MEIS2: variants seen among roughly 807,000 people sequenced by gnomAD.
MEIS2 encodes homeobox protein Meis2.
MEIS2 carries 9 observed loss-of-function variants against 58.6 expected under a neutral mutation model. The observed-to-expected ratio is 0.15, with a 90% CI of 0.09 to 0.27. The LOEUF (loss-of-function observed/expected upper bound fraction) is 0.27. Among genes scored for constraint, MEIS2 ranks in the 10% least tolerant of loss-of-function variants. The pLI, the probability that MEIS2 is intolerant of heterozygous loss-of-function variation, is 1.00. For missense variants in MEIS2, 427 were observed against 635.0 expected, an observed-to-expected ratio of 0.67 and a Z score of 3.52; for synonymous variants, 221 against 228.4, an observed-to-expected ratio of 0.97 and a Z score of 0.29.
chr15:37,093,972 G>A (rs1368743521), intron 5 of MEIS2: 10 of 480,286 alleles, frequency 2.1e-5, no homozygotes, highest in Non-Finnish European at 3.7e-5. Flanking sequence ...ACAATAGAGA[G>A]AGAAAGAAAC....
In MEIS2 at chr15:36,910,121, G is replaced by A. The variant is rs907511799; in HGVS notation, c.978-13435C>T. On this transcript the variant is annotated intron_variant, in intron 9 of 11. Transcript: ENST00000561208. ...CTCAGGAGGCTGATGTGGGAGGATC[G>A]CCTGAGACCAGGAGGTGGAGGCTGC... Among the ~76,000 whole-genome samples, 4 of 152,016 alleles carry A rather than the reference G, an allele frequency of 2.6e-5. No individual in the cohort carries two copies. The East Asian group carries it at 7.7e-4, about 29-fold the overall frequency.
intron 8 of MEIS2, among the ~76,000 whole-genome samples, chr15:36,950,906 C>T (rs1033080729): frequency 2.0e-5 from 3 of 152,024 alleles, no homozygotes; most frequent in Admixed American, 6.6e-5. Flanking sequence ...TTCTTGTAAG[C>T]CATGGCAACT....
At chr15:37,010,440 T>A (rs1411440507) in intron 8 of MEIS2, among the ~76,000 whole-genome samples, 2 of 152,080 alleles carry the variant, frequency 1.3e-5, no homozygotes, top group African/African-American at 4.8e-5. Context: ...TGGAGTGCAG[T>A]GACATGATCT....
intron 1 of MEIS2, 109 bp downstream of exon 1, chr15:37,099,346 C>T: frequency 1.3e-6 from 2 of 1,565,620 alleles, no homozygotes; most frequent in Non-Finnish European, 1.7e-6. Context: ...TGGCCGCCAT[C>T]ATCAAGCAGC....
At chr15:37,046,837 ATAT>A (rs1354391313) in intron 7 of MEIS2, among the ~76,000 whole-genome samples, 1 of 978 alleles carries the variant, frequency 1.0e-3, no homozygotes, top group African/African-American at 1.3e-3. Flanking sequence ...CGTTTAAAAA[ATAT>A]ATATATATAT....
intron 8 of MEIS2, among the ~76,000 whole-genome samples, chr15:36,988,139 A>G (rs1196493843): frequency 6.6e-6 from 1 of 152,240 alleles, no homozygotes; most frequent in Non-Finnish European, 1.5e-5. Flanking sequence ...AAAACAAAGC[A>G]AAAATAAGAA....
At chr15:37,043,782 G>C (rs2141769898) in intron 7 of MEIS2, among the ~76,000 whole-genome samples, 1 of 149,904 alleles carries the variant, frequency 6.7e-6, no homozygotes, top group Middle Eastern at 3.5e-3. Context: ...CCACCTCCCT[G>C]GTTCAAGCGA....
intron 7 of MEIS2, among the ~76,000 whole-genome samples, chr15:37,044,484 T>C (rs12900251): frequency 0.2 from 30,721 of 152,174 alleles, 3,559 homozygotes; most frequent in East Asian, 0.28. Flanking sequence ...AAATTAAATA[T>C]GATTTTGAAG....
chr15:37,046,036 C>T (rs1046094498), intron 7 of MEIS2, among the ~76,000 whole-genome samples: 4 of 152,186 alleles, frequency 2.6e-5, no homozygotes, highest in Admixed American at 1.3e-4. Flanking sequence ...ACTTTTCAGG[C>T]GGTATAAGCA....
intron 8 of MEIS2, among the ~76,000 whole-genome samples, chr15:37,002,355 C>T (rs2060761812): frequency 6.7e-6 from 1 of 148,286 alleles, no homozygotes; most frequent in Admixed American, 6.9e-5. Context: ...TGGAAGTAAT[C>T]TTTCCTTCCT....
intron 9 of MEIS2, among the ~76,000 whole-genome samples, chr15:36,935,236 A>C (rs1567073776): frequency 6.7e-6 from 1 of 149,332 alleles, no homozygotes; most frequent in Non-Finnish European, 1.5e-5. Flanking sequence ...TCATTAAATA[A>C]TCTAGGTATG....
chr15:37,054,348 TACAC>T (rs68006327), intron 7 of MEIS2, among the ~76,000 whole-genome samples: 28,110 of 152,118 alleles, frequency 0.18, 3,203 homozygotes, highest in Admixed American at 0.33. Context: ...CCAGTGATTT[TACAC>T]ACAGAAAACT....
intron 9 of MEIS2, among the ~76,000 whole-genome samples, chr15:36,950,028 T>A (rs2058700971): frequency 6.6e-6 from 1 of 151,626 alleles, no homozygotes; most frequent in Non-Finnish European, 1.5e-5. Flanking sequence ...GTGGCTCAAT[T>A]CGAGAATTTT....
chr15:37,006,904 G>A (rs1159909795), intron 8 of MEIS2, among the ~76,000 whole-genome samples: 1 of 152,182 alleles, frequency 6.6e-6, no homozygotes, highest in Non-Finnish European at 1.5e-5. Flanking sequence ...GAAGGGGTTG[G>A]AAATTGTTAA....
intron 9 of MEIS2, among the ~76,000 whole-genome samples, chr15:36,925,432 C>T (rs1298655398): frequency 1.3e-5 from 2 of 152,314 alleles, no homozygotes; most frequent in East Asian, 1.9e-4. Context: ...AAGTGATGCA[C>T]GTTTATGGCT....
At chr15:36,923,583 C>T (rs1023321684) in intron 9 of MEIS2, among the ~76,000 whole-genome samples, 3 of 152,206 alleles carry the variant, frequency 2.0e-5, no homozygotes, top group Non-Finnish European at 4.4e-5. Context: ...ATAATCCTCA[C>T]AGAAACTGGT....
chr15:37,085,493 G>A (rs1488176318), intron 6 of MEIS2, among the ~76,000 whole-genome samples: 1 of 152,148 alleles, frequency 6.6e-6, no homozygotes, highest in East Asian at 1.9e-4. Context: ...TCCCCCTACA[G>A]ATCTGCAGCA....
intron 8 of MEIS2, among the ~76,000 whole-genome samples, chr15:36,986,736 C>T (rs551763187): frequency 6.6e-6 from 1 of 152,312 alleles, no homozygotes; most frequent in South Asian, 2.1e-4. Context: ...TCCTTTTGTC[C>T]TCTCAGCCCT....
chr15:37,048,019 G>C (rs1354492330), intron 7 of MEIS2, among the ~76,000 whole-genome samples: 3 of 152,150 alleles, frequency 2.0e-5, no homozygotes, highest in Non-Finnish European at 4.4e-5. Context: ...TTTAACTGAA[G>C]TGGACTATTT....
Sources: allele counts gnomAD v4.1 joint callset (sites outside exome capture counted in the v4.1 genomes callset), GRCh38; gene constraint gnomAD v4.1.1; transcripts MANE v1.5; gene names NCBI Gene and HGNC (gene_info 2026-07-23, HGNC 2026-07-21).